The following ARHGAP35 variants were observed in gnomAD, a reference collection of about 807,000 sequenced individuals.
ARHGAP35 encodes the protein rho GTPase-activating protein 35.
ARHGAP35 carries 15 observed loss-of-function variants against 111.1 expected under a neutral mutation model. The ratio of observed to expected loss-of-function variants is 0.13; its 90% CI spans 0.09 to 0.21. ARHGAP35 has a LOEUF of 0.21. Among genes scored for constraint, ARHGAP35 ranks in the 10% least tolerant of loss-of-function variants. ARHGAP35 has a pLI of 1.00. For missense variants in ARHGAP35, 1,262 were observed against 1,873.0 expected, an observed-to-expected ratio of 0.67 and a Z score of 6.02; for synonymous variants, 643 against 710.3, an observed-to-expected ratio of 0.91 and a Z score of 1.51.
intron 3 of ARHGAP35, among the ~76,000 whole-genome samples, chr19:46,940,706 C>T (rs1318360190): frequency 1.3e-5 from 2 of 151,656 alleles, no homozygotes; most frequent in Non-Finnish European, 2.9e-5. Context: ...CCACAAGCCT[C>T]GACCTCCCAA....
chr19:46,863,470 C>G (rs2055839884), intron 1 of ARHGAP35, among the ~76,000 whole-genome samples: 1 of 151,982 alleles, frequency 6.6e-6, no homozygotes, highest in South Asian at 2.1e-4. Flanking sequence ...GCTGTTTGCT[C>G]TCTCCCTTCC....
intron 1 of ARHGAP35, among the ~76,000 whole-genome samples, chr19:46,870,275 G>A (rs1284545336): frequency 6.6e-6 from 1 of 150,504 alleles, no homozygotes; most frequent in Non-Finnish European, 1.5e-5. Context: ...TGCTGTCAAT[G>A]TATAAGAAAT....
At chr19:46,971,365 C>T (rs980840245) in intron 3 of ARHGAP35, among the ~76,000 whole-genome samples, 3 of 151,944 alleles carry the variant, frequency 2.0e-5, no homozygotes, top group Non-Finnish European at 4.4e-5. Context: ...GAGCTCACGC[C>T]GCTGTACTCC....
At chr19:46,894,737 C>A (rs969560052) in intron 1 of ARHGAP35, among the ~76,000 whole-genome samples, 1 of 152,132 alleles carries the variant, frequency 6.6e-6, no homozygotes, top group Admixed American at 6.6e-5. Context: ...CAAGCCACCA[C>A]GCCCGGCCAT....
intron 1 of ARHGAP35, among the ~76,000 whole-genome samples, chr19:46,906,181 G>A (rs182344307): frequency 4.0e-4 from 61 of 151,900 alleles, no homozygotes; most frequent in Admixed American, 1.6e-3. Context: ...AAAATTAGGC[G>A]GGCATGGTGG....
chr19:47,000,706 C>T lies in ARHGAP35; in HGVS notation c.*18C>T, dbSNP rs766169934. 29 of 1,550,730 alleles carry T rather than the reference C, an allele frequency of 1.9e-5. No homozygotes were observed. Among genetic ancestry groups the T allele is most frequent in the Middle Eastern group, 1.7e-4 (1 of 5,850 alleles). ...CGCTGTGAGCCACCAAGACCTGGGG[C>T]GACAGGAGAACCGGTCCTCTCTCTG... On this transcript the variant is annotated 3_prime_UTR_variant, in exon 7 of 7. Coordinates refer to ENST00000672722, the MANE Select transcript of ARHGAP35 (RefSeq NM_004491.5). This position sits in a 1 kb window ranked among gnomAD's most constrained non-coding sequence, Gnocchi z 6.9.
intron 3 of ARHGAP35, among the ~76,000 whole-genome samples, chr19:46,984,962 G>C (rs1260822533): frequency 6.6e-6 from 1 of 152,204 alleles, no homozygotes; most frequent in Non-Finnish European, 1.5e-5. Flanking sequence ...CTGCAGCTCG[G>C]AGACTGCCTC....
rs1370497868 is a variant in ARHGAP35 at position 46,994,106 on chromosome 19, C to G, written c.4036+4431C>G. Among the ~76,000 whole-genome samples the G allele has an allele frequency of 6.6e-6, 1 of 152,140 alleles. No individual in the cohort carries two copies. Among genetic ancestry groups the G allele is most frequent in the Non-Finnish European group, 1.5e-5 (1 of 68,010 alleles). On this transcript the variant is annotated intron_variant, in intron 5 of 6. Transcript: ENST00000672722. The surrounding 1 kb of genome is among the most constrained non-coding windows in gnomAD (Gnocchi z 5.4). ...ACCTGGGAATCCACAAACCAGCACA[C>G]GCCAGGTGTGGGGAGAAGCCACCCT...
rs2056605227 is a variant in ARHGAP35, at chr19:46,979,050, T to C, written c.3827-8939T>C. Among the ~76,000 whole-genome samples, 3 of 96,116 alleles carry C rather than the reference T, an allele frequency of 3.1e-5. No individual in the cohort carries two copies. In the South Asian group the frequency reaches 1.1e-3, roughly 35 times the overall value. 63.1% of individuals were successfully genotyped at this position (96,116 alleles called of 152,430 possible). On this transcript the variant is annotated intron_variant, in intron 3 of 6. Transcript: ENST00000672722. ...AGGTGTGGGGGGGTGTGGTGTGTGG[T>C]GGGATGTGTGTGTGTGGTGGGGTGT...
At chr19:46,861,371 C>G (rs925614145) in intron 1 of ARHGAP35, among the ~76,000 whole-genome samples, 162 bp downstream of exon 1, 4 of 149,482 alleles carry the variant, frequency 2.7e-5, no homozygotes, top group African/African-American at 9.8e-5. Context: ...CGGGCCCCGC[C>G]GTCCCCGTCG....
chr19:46,927,602 T>C (rs1432962015), intron 2 of ARHGAP35, among the ~76,000 whole-genome samples: 1 of 152,218 alleles, frequency 6.6e-6, no homozygotes, highest in Non-Finnish European at 1.5e-5. Context: ...GGGCTGTGGC[T>C]ACCACGTGAA....
At chr19:46,891,422 T>G (rs572350184) in intron 1 of ARHGAP35, among the ~76,000 whole-genome samples, 4 of 143,482 alleles carry the variant, frequency 2.8e-5, no homozygotes, top group East Asian at 2.0e-4. Flanking sequence ...CTAGGGCAAG[T>G]TTTTTTTTTT....
chr19:46,977,390 A>T (rs2056585473), intron 3 of ARHGAP35, among the ~76,000 whole-genome samples: 1 of 152,262 alleles, frequency 6.6e-6, no homozygotes, highest in South Asian at 2.1e-4. Context: ...CCAGCCGCTT[A>T]GGGAGCAGCT....
chr19:46,954,845 T>C (rs1301929393), intron 3 of ARHGAP35, among the ~76,000 whole-genome samples: 1 of 152,224 alleles, frequency 6.6e-6, no homozygotes, highest in Non-Finnish European at 1.5e-5. Context: ...CTGTGATCTG[T>C]TTTTTGTTTT....
chr19:46,880,800 C>G (rs990337053), intron 1 of ARHGAP35, among the ~76,000 whole-genome samples: 3 of 151,802 alleles, frequency 2.0e-5, no homozygotes, highest in African/African-American at 7.3e-5. Context: ...CTCAGCCTAC[C>G]GAGTACCTGA....
chr19:46,905,465 G>A (rs764421416), intron 1 of ARHGAP35, among the ~76,000 whole-genome samples: 10 of 142,166 alleles, frequency 7.0e-5, no homozygotes, highest in South Asian at 2.2e-4. Context: ...CACCTCTGCC[G>A]CCGGGGTTCA....
chr19:46,982,251 C>T (rs574818919), intron 3 of ARHGAP35, among the ~76,000 whole-genome samples: 6 of 151,980 alleles, frequency 3.9e-5, no homozygotes, highest in East Asian at 1.9e-4. Flanking sequence ...CCAAGGCGGG[C>T]GGATCACTTG....
intron 3 of ARHGAP35, among the ~76,000 whole-genome samples, chr19:46,954,923 T>G (rs1479750420): frequency 2.6e-5 from 4 of 152,186 alleles, no homozygotes; most frequent in Non-Finnish European, 5.9e-5. Context: ...TAATCAATAA[T>G]GAGGTGTTTC....
intron 1 of ARHGAP35, among the ~76,000 whole-genome samples, chr19:46,874,897 CG>C (rs1568458374): frequency 6.7e-6 from 1 of 149,614 alleles, no homozygotes; most frequent in Non-Finnish European, 1.5e-5. Flanking sequence ...CTGCAACCTC[CG>C]CTTCCCGGGT....
Sources: allele counts gnomAD v4.1 joint callset (sites outside exome capture counted in the v4.1 genomes callset), GRCh38; gene constraint gnomAD v4.1.1; non-coding constraint Gnocchi (gnomAD v3.1); transcripts MANE v1.5; gene names NCBI Gene and HGNC (gene_info 2026-07-23, HGNC 2026-07-21).